The following NPHP3 variants were observed in gnomAD, a reference collection of about 807,000 sequenced individuals.
NPHP3 encodes the protein nephrocystin 3.
NPHP3 carries 123 observed loss-of-function variants against 171.9 expected under a neutral mutation model. That is an observed-to-expected ratio of 0.72 (90% CI 0.62 to 0.83). The LOEUF (loss-of-function observed/expected upper bound fraction) is 0.83. NPHP3 is among the 40% of genes least tolerant of loss of function. The probability of loss-of-function intolerance (pLI) is 0.00; values close to 1 mark genes in which losing one functional copy is unlikely to be tolerated. For synonymous variants in NPHP3, 558 were observed against 579.2 expected (o/e 0.96, Z 0.52); for missense variants, 1,506 against 1,591.9 (o/e 0.95, Z 0.92).
chr3:132,689,798 A>G (rs1939253669), intron 19 of NPHP3, among the ~76,000 whole-genome samples: 1 of 152,242 alleles, frequency 6.6e-6, no homozygotes, highest in Admixed American at 6.5e-5. Flanking sequence ...GATCTTAAGT[A>G]GTATGGGGCT....
chr3:132,705,657 G>A, intron 8 of NPHP3, 83 bp downstream of exon 8: 1 of 755,504 alleles, frequency 1.3e-6, no homozygotes, highest in Admixed American at 2.1e-5. Context: ...AGACAAGCAA[G>A]TGGTTTTCTC....
intron 17 of NPHP3, among the ~76,000 whole-genome samples, chr3:132,691,999 G>C (rs966171193): frequency 1.3e-5 from 2 of 152,198 alleles, no homozygotes; most frequent in African/African-American, 4.8e-5. Context: ...CATACATGAT[G>C]ATGATCCTAT....
At chr3:132,698,653 C>A (rs900475709) in intron 13 of NPHP3, among the ~76,000 whole-genome samples, 18 of 152,080 alleles carry the variant, frequency 1.2e-4, no homozygotes, top group Non-Finnish European at 2.5e-4. Flanking sequence ...CCCAGCCCGG[C>A]CCTTTCTCTA....
rs765808850 is a variant in NPHP3, at chr3:132,699,346, A to T, written c.1985+7T>A. 2.5e-6 allele frequency: 4 copies of T among 1,594,024 alleles called. No homozygotes were observed. In the South Asian group the frequency reaches 4.4e-5, roughly 18 times the overall value. ...GTACTCTGAAAGAACTAAAGTTGGC[A>T]TCGTACCTCCATGCTGGAGGGCATG... On this transcript the variant is annotated splice_region_variant and intron_variant, in intron 13 of 26. Coordinates refer to ENST00000337331, the MANE Select transcript of NPHP3 (RefSeq NM_153240.5).
chr3:132,682,695 A>T lies in NPHP3; in HGVS notation c.3812+8T>A, dbSNP rs1274498502. The T allele has an allele frequency of 1.3e-6, 2 of 1,549,938 alleles. No homozygotes were observed. The highest frequency in any genetic ancestry group is 2.7e-5 in the African/African-American group (2 of 73,652). Reference sequence around the variant, plus strand: ...AGGCTGTATAAGGAAAGTGAAAAAAATTCTTACCTAAGCACAGCTAAATTT... The same window carrying T: ...AGGCTGTATAAGGAAAGTGAAAAAATTTCTTACCTAAGCACAGCTAAATTT... On this transcript the variant is annotated splice_region_variant and intron_variant, in intron 26 of 26. Coordinates refer to ENST00000337331, the MANE Select transcript of NPHP3 (RefSeq NM_153240.5).
chr3:132,700,145 C>G, intron 11 of NPHP3, 84 bp from the exon 12 acceptor site: 1 of 1,525,056 alleles, frequency 6.6e-7, no homozygotes, highest in Non-Finnish European at 9.1e-7. Context: ...TATTTCTATT[C>G]TTACTTTTTT....
At chr3:132,709,701 G>GTA (rs1329629109) in intron 6 of NPHP3, among the ~76,000 whole-genome samples, 1 of 152,124 alleles carries the variant, frequency 6.6e-6, no homozygotes, top group African/African-American at 2.4e-5. Flanking sequence ...GTGTGTGTGT[G>GTA]TATGTGTAGA....
chr3:132,701,518 T>TA lies in NPHP3; in HGVS notation c.1539dup (p.Asn514Ter). On this transcript the variant is annotated frameshift_variant, in exon 10 of 27. Transcript: ENST00000337331. LOFTEE classifies it high-confidence loss of function. ...GGGGCTGGTGCTGCCACTAGATCAT[T>TA]AAGGCGTTGGTAATACTAGAAAAAA... 6.2e-7 allele frequency: 1 copy of TA among 1,612,592 alleles called. No homozygotes were observed. The highest frequency in any genetic ancestry group is 8.5e-7 in the Non-Finnish European group (1 of 1,178,692).
intron 4 of NPHP3, 70 bp downstream of exon 4, chr3:132,716,687 C>G: frequency 6.5e-7 from 1 of 1,528,164 alleles, no homozygotes; most frequent in Non-Finnish European, 9.1e-7. Flanking sequence ...ATTAATAGTT[C>G]CAGCACAAGA....
Position 132,704,279 on chromosome 3 carries a change from C to A in NPHP3, c.1443G>T (p.Leu481=). The part of the protein sequence containing the change: ...IPEEDDFGDV[L]WDIHDEQEQM... ...GCTCTTGTTCATCATGTATGTCCCA[C>A]AGAACATCACCAAAATCATCTTCTT... The change falls in exon 9 of 27, where the codon CTG becomes CTT. Residue 481 remains leucine, a synonymous_variant. Coordinates refer to ENST00000337331, the MANE Select transcript of NPHP3 (RefSeq NM_153240.5). 1 of 1,614,142 alleles carries A rather than the reference C, an allele frequency of 6.2e-7. No homozygotes were observed. The highest frequency in any genetic ancestry group is 8.5e-7 in the Non-Finnish European group (1 of 1,179,978).
chr3:132,707,428 G>C (rs1055079802), intron 7 of NPHP3, among the ~76,000 whole-genome samples: 12 of 151,710 alleles, frequency 7.9e-5, no homozygotes, highest in Non-Finnish European at 8.8e-5. Flanking sequence ...ATATGAACAA[G>C]CTACCACACT....
Position 132,719,769 on chromosome 3 carries a change from T to C in NPHP3, c.455A>G (p.Tyr152Cys), listed in dbSNP as rs139441071. ...REKESALEAK[Y>C]QAMERAATFE... Reference sequence around the variant, plus strand: ...TGTTGCTGCTCTCTCCATTGCTTGGTATTTCGCTTCTAAAGCACTTTCTTT... The same window carrying C: ...TGTTGCTGCTCTCTCCATTGCTTGGCATTTCGCTTCTAAAGCACTTTCTTT... The change falls in exon 2 of 27, where the codon TAC becomes TGC. Residue 152 changes from tyrosine to cysteine, a missense_variant. This residue lies in a region of NPHP3 where 930 missense variants were observed against 924.9 expected (regional missense o/e 1.01). Coordinates refer to ENST00000337331, the MANE Select transcript of NPHP3 (RefSeq NM_153240.5). The C allele has an allele frequency of 1.2e-6, 2 of 1,604,346 alleles. No individual in the cohort carries two copies. The highest frequency in any genetic ancestry group is 1.3e-5 in the African/African-American group (1 of 74,812).
At chr3:132,689,940 A>G (rs1441528405) in intron 19 of NPHP3, among the ~76,000 whole-genome samples, 1 of 152,198 alleles carries the variant, frequency 6.6e-6, no homozygotes, top group East Asian at 1.9e-4. Context: ...TGTATAAGAA[A>G]TGTCTAAATC....
chr3:132,681,948 G>A lies in NPHP3; in HGVS notation c.3955C>T (p.His1319Tyr), dbSNP rs757558681. ...TGCTGAAGGAAAACATTAGGAGAAT[G>A]AGCTGTTTTTAAGCTAAACGTGTCT... is the stretch of plus-strand genomic sequence containing the variant. Reference protein sequence around the residue: ...SGDTFSLKTAHSPNVFLQQGQ... With the variant: ...SGDTFSLKTAYSPNVFLQQGQ... Residue 1319 changes from histidine to tyrosine, a missense_variant, in exon 27 of 27, where the codon CAT (histidine) becomes TAT (tyrosine). Around this residue, in one of 3 missense-constraint regions of NPHP3, gnomAD observed 569 missense variants for 648.1 expected, o/e 0.88. Coordinates refer to ENST00000337331, the MANE Select transcript of NPHP3 (RefSeq NM_153240.5). The A allele has an allele frequency of 2.5e-6, 4 of 1,614,136 alleles. No individual in the cohort carries two copies. The highest frequency in any genetic ancestry group is 1.7e-5 in the Admixed American group (1 of 60,032).
chr3:132,682,107 A>G lies in NPHP3; in HGVS notation c.3813-17T>C. 1.2e-6 allele frequency: 2 copies of G among 1,605,376 alleles called. No homozygotes were observed. The highest frequency in any genetic ancestry group is 1.1e-5 in the South Asian group (1 of 90,896). On this transcript the variant is annotated splice_polypyrimidine_tract_variant and intron_variant, in intron 26 of 26. Coordinates refer to ENST00000337331, the MANE Select transcript of NPHP3 (RefSeq NM_153240.5). ...CCTTCATAGCTTTGAGAGAGAAAAC[A>G]AAAACTCTTAAAATGAGAATATAAC... is the stretch of plus-strand genomic sequence containing the variant.
rs1940133466 is a variant in NPHP3 at position 132,719,084 on chromosome 3, C to G, written c.580G>C (p.Glu194Gln). 1 of 1,613,866 alleles carries G rather than the reference C, an allele frequency of 6.2e-7. No individual in the cohort carries two copies. The highest frequency in any genetic ancestry group is 1.1e-5 in the South Asian group (1 of 91,084). Residue 194 changes from glutamate to glutamine, a missense_variant, in exon 3 of 27, where the codon GAG (glutamate) becomes CAG (glutamine). Glu to Gln is a conservative substitution (Grantham distance 29, BLOSUM62 2). Coordinates refer to ENST00000337331, the MANE Select transcript of NPHP3 (RefSeq NM_153240.5). ...GCCTGTAGCCTCTGAAGTTTGCTCT[C>G]CAACTCCCTCTTGGCCCTCAGTAAG... is the stretch of plus-strand genomic sequence containing the variant. Reference protein sequence around the residue: ...QDLLRAKRELESKLQRLQAQG... With the variant: ...QDLLRAKRELQSKLQRLQAQG...
intron 21 of NPHP3, among the ~76,000 whole-genome samples, chr3:132,688,239 G>T (rs149108923): frequency 6.6e-6 from 1 of 152,208 alleles, no homozygotes; most frequent in African/African-American, 2.4e-5. Flanking sequence ...TGTGTATAAG[G>T]TGTATATGAA....
chr3:132,682,234 TA>T (rs1443446070), intron 26 of NPHP3, 144 bp from the exon 27 acceptor site: 13 of 711,412 alleles, frequency 1.8e-5, no homozygotes, highest in Non-Finnish European at 2.9e-5. Flanking sequence ...AGCAGACCAG[TA>T]AAACAACACC....
In NPHP3 at chr3:132,707,169, A is replaced by G. The variant is rs796976500; in HGVS notation, c.1275+932T>C. Among the ~76,000 whole-genome samples the G allele has an allele frequency of 3.3e-5, 5 of 152,322 alleles. No homozygotes were observed. In the South Asian group the frequency reaches 1.0e-3, roughly 32 times the overall value. On this transcript the variant is annotated intron_variant, in intron 7 of 26. Transcript: ENST00000337331. ...TATGTATTCTAAAAATTATCCCAAC[A>G]TGCATCTAGGAATGATCAAATTTCT...
Sources: gnomAD v4.1 joint callset for allele counts (sites outside exome capture counted in the v4.1 genomes callset) on GRCh38, gnomAD v4.1.1 for gene constraint, gnomAD v4.1.1 regional missense constraint, MANE v1.5 for transcripts, NCBI Gene and HGNC (gene_info 2026-07-23, HGNC 2026-07-21) for gene names.